The following TTLL12 variants were observed in gnomAD, a reference collection of about 807,000 sequenced individuals.
TTLL12 encodes tubulin tyrosine ligase like 12, also known as tubulin--tyrosine ligase-like protein 12.
A neutral mutation model predicts 79.6 loss-of-function variants in TTLL12; 77 were observed. That is an observed-to-expected ratio of 0.97 (90% CI 0.81 to 1.17). TTLL12 has a LOEUF of 1.17. TTLL12 is among the 50% of genes most tolerant of loss of function. The pLI is 0.00. For synonymous variants in TTLL12, 437 were observed against 376.1 expected (o/e 1.16, Z -1.87); for missense variants, 969 against 895.9 (o/e 1.08, Z -1.04).
intron 5 of TTLL12, among the ~76,000 whole-genome samples, chr22:43,178,446 C>T (rs990479489): frequency 1.3e-5 from 2 of 152,076 alleles, no homozygotes; most frequent in South Asian, 2.1e-4. Context: ...CTCAGCCTCC[C>T]GAGTAGCTGG....
At position 43,174,334 on chromosome 22, in the gene TTLL12, C is replaced by T; in HGVS notation, c.1104G>A (p.Lys368=). ...QFPCENLLTV[K]DCLASIARRA... ...GGCGCGCGATGGAGGCCAGGCAGTC[C>T]TTGACAGTCAGCAGGTTCTCGCAGG... Residue 368 remains lysine (K), a synonymous_variant, in exon 8 of 14, where the codon AAG becomes AAA. Transcript: ENST00000216129. The T allele has an allele frequency of 6.2e-7, 1 of 1,605,336 alleles. No individual in the cohort carries two copies. The highest frequency in any genetic ancestry group is 8.5e-7 in the Non-Finnish European group (1 of 1,175,328).
At position 43,172,524 on chromosome 22, in the gene TTLL12, A is replaced by C. The variant is rs1569483959; in HGVS notation, c.1372T>G (p.Leu458Val). 2 of 1,614,092 alleles carry C rather than the reference A, an allele frequency of 1.2e-6. No individual in the cohort carries two copies. The highest frequency in any genetic ancestry group is 1.7e-6 in the Non-Finnish European group (2 of 1,180,014). The change falls in exon 10 of 14, where the codon TTG becomes GTG. Residue 458 changes from leucine to valine, a missense_variant. Physicochemically the swap from Leu to Val is conservative, Grantham distance 32. Transcript: ENST00000216129. ...TTTCCCACGTCTTCTCGAAGGAACAACACGGGACTTTCGATGTACTTGGAC... is the reference window on the plus strand; with the variant it reads ...TTTCCCACGTCTTCTCGAAGGAACACCACGGGACTTTCGATGTACTTGGAC... ...VVSKYIESPV[L>V]FLREDVGKVK...
intron 6 of TTLL12, chr22:43,175,194 G>A (rs2147070300): frequency 6.6e-6 from 1 of 152,510 alleles, no homozygotes; most frequent in East Asian, 1.9e-4. Context: ...GGCAGCCAAG[G>A]GGAGTGTCTG....
Position 43,167,135 on chromosome 22 carries a change from C to T in TTLL12, c.*873G>A, listed in dbSNP as rs766582048. 3.8e-6 allele frequency: 2 copies of T among 524,120 alleles called. No homozygotes were observed. Among genetic ancestry groups the T allele is most frequent in the Non-Finnish European group, 7.8e-6 (2 of 254,844 alleles). The allele number at this position is 524,120 out of a possible 1,614,324, so 32.5% of individuals were successfully genotyped here. ...CTGGTAGGTGGCATCTGACTTTAAC[C>T]TGAAGTTCTCATTGGAATCCTTTTC... On this transcript the variant is annotated 3_prime_UTR_variant, in exon 14 of 14. Coordinates refer to ENST00000216129, the MANE Select transcript of TTLL12 (RefSeq NM_015140.4).
At position 43,187,044 on chromosome 22, in the gene TTLL12, C is replaced by A. The variant is rs1475390266; in HGVS notation, c.26G>T (p.Arg9Leu). The part of the protein sequence containing the change: MEAERGPE[R>L]RPAERSSPGQ... ...CGGGCTGCTACGCTCCGCAGGCCGG[C>A]GCTCGGGACCCCGCTCGGCCTCCAT... is the stretch of plus-strand genomic sequence containing the variant. Residue 9 changes from arginine (R) to leucine (L), a missense_variant, in exon 1 of 14, where the codon CGC becomes CTC. Physicochemically the swap from Arg to Leu is moderately radical, Grantham distance 102. Coordinates refer to ENST00000216129, the MANE Select transcript of TTLL12 (RefSeq NM_015140.4). 1.7e-6 allele frequency: 2 copies of A among 1,197,284 alleles called. No homozygotes were observed. Among genetic ancestry groups the A allele is most frequent in the East Asian group, 3.6e-5 (1 of 27,900 alleles). 74.2% of individuals were successfully genotyped at this position (1,197,284 alleles called of 1,614,324 possible). A position where few individuals can be genotyped will look rare whatever the true frequency, so the allele number is the denominator to read the frequency against.
chr22:43,172,447 T>G lies in TTLL12; in HGVS notation c.1449A>C (p.Leu483=). 6.2e-7 allele frequency: 1 copy of G among 1,614,126 alleles called. No homozygotes were observed. Among genetic ancestry groups the G allele is most frequent in the Non-Finnish European group, 8.5e-7 (1 of 1,180,020 alleles). Residue 483 remains leucine, a synonymous_variant, in exon 10 of 14, where the codon CTA becomes CTC. Transcript: ENST00000216129. ...AGAACACATCATACACGAACAACCG[T>G]AGGGGCCTCACTGACCGCAGCAGCA... ...YIVLLRSVRP[L]RLFVYDVFWL...
At chr22:43,181,089 G>T in intron 2 of TTLL12, 149 bp from the exon 3 acceptor site, 1 of 881,394 alleles carries the variant, frequency 1.1e-6, no homozygotes, top group South Asian at 1.8e-5. Flanking sequence ...CCTAGTTTTG[G>T]ACTCCAGTGG....
intron 6 of TTLL12, chr22:43,175,749 G>C (rs1601771006): frequency 6.6e-6 from 1 of 151,942 alleles, no homozygotes; most frequent in Non-Finnish European, 1.5e-5. Context: ...GTTCACTGCA[G>C]GCTCTGCCTC....
In TTLL12 at chr22:43,179,863, G is replaced by GT; in HGVS notation, c.683_684insA (p.Leu229ProfsTer65). 6.3e-7 allele frequency: 1 copy of GT among 1,598,854 alleles called. No homozygotes were observed. ...TACCGCCAGTGTCCAGGTCCCTCAG[G>GT]GGCCACAGCAGCGTGTAGGCCACCT... On this transcript the variant is annotated frameshift_variant, in exon 4 of 14. Transcript: ENST00000216129. LOFTEE classifies it high-confidence loss of function.
intron 6 of TTLL12, among the ~76,000 whole-genome samples, 196 bp downstream of exon 6, chr22:43,176,124 C>T (rs1931901545): frequency 9.2e-5 from 14 of 151,980 alleles, no homozygotes; most frequent in Admixed American, 9.2e-4. Flanking sequence ...CTCGCTCTCT[C>T]ACTTTCTGCG....
At chr22:43,180,288 G>A (rs945935152) in intron 3 of TTLL12, among the ~76,000 whole-genome samples, 1 of 152,196 alleles carries the variant, frequency 6.6e-6, no homozygotes, top group African/African-American at 2.4e-5. Context: ...GGGTTTGAGG[G>A]TAATGGGGGG....
At chr22:43,171,274 C>T (rs1216494708) in intron 11 of TTLL12, among the ~76,000 whole-genome samples, 1 of 152,226 alleles carries the variant, frequency 6.6e-6, no homozygotes, top group African/African-American at 2.4e-5. Flanking sequence ...TCGCCCCCAC[C>T]TTGGAAGGGC....
chr22:43,174,607 G>A lies in TTLL12; in HGVS notation c.926C>T (p.Thr309Met), dbSNP rs377192068. 3.0e-5 allele frequency: 49 copies of A among 1,607,390 alleles called. No individual in the cohort carries two copies. The highest frequency in any genetic ancestry group is 4.0e-5 in the Non-Finnish European group (47 of 1,176,620). Residue 309 changes from threonine to methionine, a missense_variant, in exon 7 of 14, where the codon ACG becomes ATG. By Grantham distance (81) the Thr-to-Met change is moderately conservative. Coordinates refer to ENST00000216129, the MANE Select transcript of TTLL12 (RefSeq NM_015140.4). The part of the protein sequence containing the change: ...HPHGHIFKVY[T>M]DVQQVASSLT... ...GCTGCTGGCCACCTGCTGCACGTCC[G>A]TGTAGACCCTGTGGGGAGAGCCCGA...
chr22:43,172,167 T>C (rs1253744779), intron 10 of TTLL12, among the ~76,000 whole-genome samples: 1 of 152,228 alleles, frequency 6.6e-6, no homozygotes, highest in Non-Finnish European at 1.5e-5. Context: ...GTGCCCATTT[T>C]ACAAAGAATG....
chr22:43,185,258 T>C (rs1448001401), intron 1 of TTLL12, among the ~76,000 whole-genome samples: 3 of 5,728 alleles, frequency 5.2e-4, no homozygotes, highest in African/African-American at 1.6e-3. Context: ...TATATATATA[T>C]ATATATATAT....
intron 4 of TTLL12, 42 bp from the exon 5 acceptor site, chr22:43,179,794 C>A (rs1160625222): frequency 1.3e-6 from 2 of 1,550,120 alleles, no homozygotes; most frequent in Non-Finnish European, 1.7e-6. Flanking sequence ...GGTGACGGGA[C>A]ACTGGGCTGA....
At chr22:43,173,462 C>A (rs1306778152) in intron 9 of TTLL12, among the ~76,000 whole-genome samples, 1 of 152,210 alleles carries the variant, frequency 6.6e-6, no homozygotes, top group African/African-American at 2.4e-5. Context: ...AGGTGTGTGC[C>A]AACATGCCCA....
Position 43,168,899 on chromosome 22 carries a change from C to G in TTLL12, c.1658G>C (p.Arg553Pro). Residue 553 changes from arginine (R) to proline (P), a missense_variant, in exon 13 of 14, where the codon CGG becomes CCG. Coordinates refer to ENST00000216129, the MANE Select transcript of TTLL12 (RefSeq NM_015140.4). ...PWTDVQAEIF[R>P]AFTELFQVAC... is the part of the protein sequence containing the mutation. ...CACCTGGAACAGCTCCGTGAAGGCC[C>G]GGAAGATCTCAGCCTGGGGACCGGG... The G allele has an allele frequency of 6.2e-7, 1 of 1,610,676 alleles. No homozygotes were observed.
At chr22:43,169,724 AG>A in intron 11 of TTLL12, 156 bp from the exon 12 acceptor site, 1 of 719,436 alleles carries the variant, frequency 1.4e-6, no homozygotes, top group South Asian at 1.5e-5. Flanking sequence ...AACAGGAGGC[AG>A]GAGATGGAGT....
Sources: gnomAD v4.1 joint callset for allele counts (sites outside exome capture counted in the v4.1 genomes callset) on GRCh38, gnomAD v4.1.1 for gene constraint, MANE v1.5 for transcripts, NCBI Gene and HGNC (gene_info 2026-07-23, HGNC 2026-07-21) for gene names.